Variants in PAH observed in about 807,000 individuals in gnomAD.
The protein encoded by PAH is phenylalanine hydroxylase, also known as phenylalanine-4-hydroxylase.
PAH carries 64 observed loss-of-function variants against 62.0 expected under a neutral mutation model. That is an observed-to-expected ratio of 1.03 (90% CI 0.84 to 1.27). PAH has a LOEUF of 1.27. PAH is among the 50% of genes most tolerant of loss of function. The pLI, the probability that PAH is intolerant of heterozygous loss-of-function variation, is 0.00. For missense variants in PAH, 579 were observed against 542.8 expected (o/e 1.07, Z -0.66); for synonymous variants, 195 against 196.2 (o/e 0.99, Z 0.05).
intron 1 of PAH, among the ~76,000 whole-genome samples, chr12:102,932,315 A>G (rs1053875768): frequency 1.3e-5 from 2 of 152,246 alleles, no homozygotes; most frequent in African/African-American, 4.8e-5. Context: ...TTGACAAGTT[A>G]ACAACCATGA....
At chr12:102,928,697 C>T (rs1878756783) in intron 1 of PAH, among the ~76,000 whole-genome samples, 2 of 152,114 alleles carry the variant, frequency 1.3e-5, no homozygotes, top group South Asian at 4.1e-4. Context: ...TGCTCAGTTT[C>T]CTGATAAGAC....
chr12:102,895,256 C>G (rs1046066629), intron 2 of PAH, among the ~76,000 whole-genome samples: 1 of 151,958 alleles, frequency 6.6e-6, no homozygotes, highest in Non-Finnish European at 1.5e-5. Context: ...ATAGGAAACA[C>G]CCCCACTTTC....
At chr12:102,851,218 A>T (rs1038473751) in intron 8 of PAH, among the ~76,000 whole-genome samples, 2 of 152,094 alleles carry the variant, frequency 1.3e-5, no homozygotes, top group Non-Finnish European at 2.9e-5. Context: ...TATTCAGCTC[A>T]TTTTTTTCTT....
chr12:102,948,494 G>A (rs1879595889), intron 1 of PAH, among the ~76,000 whole-genome samples: 1 of 152,122 alleles, frequency 6.6e-6, no homozygotes, highest in Admixed American at 6.5e-5. Flanking sequence ...GGCTGGGTAG[G>A]TTGTTCCTGT....
intron 4 of PAH, among the ~76,000 whole-genome samples, chr12:102,873,272 G>A (rs1296817534): frequency 3.3e-5 from 5 of 152,152 alleles, no homozygotes; most frequent in Non-Finnish European, 7.4e-5. Context: ...CTACTCAATG[G>A]AATTTGATTG....
At chr12:102,927,251 G>A (rs1878709588) in intron 1 of PAH, among the ~76,000 whole-genome samples, 1 of 150,596 alleles carries the variant, frequency 6.6e-6, no homozygotes, top group Non-Finnish European at 1.5e-5. Flanking sequence ...CACTCACCAG[G>A]TCAATTCATA....
At chr12:102,855,660 G>A (rs1036913738) in intron 5 of PAH, among the ~76,000 whole-genome samples, 3 of 152,000 alleles carry the variant, frequency 2.0e-5, no homozygotes, top group East Asian at 3.9e-4. Context: ...TTACCTGCAC[G>A]GGCCAGTCAG....
chr12:102,843,260 A>C (rs1396444512), intron 11 of PAH, among the ~76,000 whole-genome samples: 1 of 152,146 alleles, frequency 6.6e-6, no homozygotes, highest in Non-Finnish European at 1.5e-5. Flanking sequence ...ATAGAGATTA[A>C]ATTTGGGTAA....
At chr12:102,937,660 T>A (rs1192856832) in intron 1 of PAH, among the ~76,000 whole-genome samples, 1 of 152,184 alleles carries the variant, frequency 6.6e-6, no homozygotes, top group African/African-American at 2.4e-5. Flanking sequence ...TTATTTTTTA[T>A]TTACTCATCT....
chr12:102,854,587 C>A, intron 6 of PAH: 1 of 196,814 alleles, frequency 5.1e-6, no homozygotes, highest in Admixed American at 5.3e-5. Context: ...CACCTTACTT[C>A]ATTCTCATAA....
chr12:102,912,545 A>C (rs1370643151), intron 2 of PAH, among the ~76,000 whole-genome samples: 2 of 152,176 alleles, frequency 1.3e-5, no homozygotes, highest in East Asian at 1.9e-4. Context: ...ACATTATTTC[A>C]TCACAAAGTT....
At chr12:102,891,275 TC>T (rs1877264058) in intron 3 of PAH, among the ~76,000 whole-genome samples, 6 of 152,152 alleles carry the variant, frequency 3.9e-5, no homozygotes, top group Admixed American at 3.9e-4. Context: ...ATTGACCCTT[TC>T]TTTCCTAGCA....
chr12:102,856,724 G>A (rs1173217423), intron 5 of PAH, among the ~76,000 whole-genome samples: 7 of 152,216 alleles, frequency 4.6e-5, no homozygotes, highest in Admixed American at 4.6e-4. Context: ...GGCAAACAGG[G>A]TCTGGAGTGG....
chr12:102,926,297 A>G (rs1203723419), intron 1 of PAH, among the ~76,000 whole-genome samples: 2 of 152,056 alleles, frequency 1.3e-5, no homozygotes, highest in African/African-American at 2.4e-5. Context: ...AATTATGGAA[A>G]GGCTCCAAAT....
chr12:102,858,978 C>A (rs1468245522), intron 5 of PAH, among the ~76,000 whole-genome samples: 2 of 151,900 alleles, frequency 1.3e-5, no homozygotes, highest in East Asian at 3.9e-4. Context: ...GAGATCAGAG[C>A]AGAACTGAAG....
intron 9 of PAH, among the ~76,000 whole-genome samples, chr12:102,846,354 G>T (rs1874842183): frequency 1.3e-5 from 2 of 152,034 alleles, no homozygotes; most frequent in South Asian, 4.2e-4. Context: ...GGCTGGGGTG[G>T]GATGTACTAA....
chr12:102,847,410 A>G (rs1718312), intron 8 of PAH: 58,894 of 186,186 alleles, frequency 0.32, 10,089 homozygotes, highest in Non-Finnish European at 0.38. Flanking sequence ...AACACATCAT[A>G]GATTAATTCT....
chr12:102,882,677 A>ATATATATATATATATAT (rs1461425878), intron 3 of PAH, among the ~76,000 whole-genome samples: 3 of 45,800 alleles, frequency 6.6e-5, no homozygotes, highest in Non-Finnish European at 1.1e-4. Flanking sequence ...TATATATATA[A>ATATATATATATATATAT]AATTTTTTTC....
chr12:102,927,045 A>G (rs1475491902), intron 1 of PAH, among the ~76,000 whole-genome samples: 1 of 147,982 alleles, frequency 6.8e-6, no homozygotes, highest in South Asian at 2.2e-4. Flanking sequence ...ACTGGATTGA[A>G]GTCTGATGGC....
Sources: gnomAD v4.1 joint callset for allele counts (sites outside exome capture counted in the v4.1 genomes callset) on GRCh38, gnomAD v4.1.1 for gene constraint, MANE v1.5 for transcripts, NCBI Gene and HGNC (gene_info 2026-07-23, HGNC 2026-07-21) for gene names.